Variants in ZBTB17 observed in about 807,000 individuals in gnomAD.
The protein encoded by ZBTB17 is zinc finger and BTB domain-containing protein 17.
In ZBTB17, 24 loss-of-function variants were observed where a neutral mutation model predicts 85.1. The ratio of observed to expected loss-of-function variants is 0.28; its 90% CI spans 0.20 to 0.40. The LOEUF (loss-of-function observed/expected upper bound fraction) is 0.40, where lower values mean the gene tolerates loss of function less well. Ranked by LOEUF, ZBTB17 falls within the 10% of genes least tolerant of loss-of-function variation. The pLI is 1.00. For synonymous variants in ZBTB17, 464 were observed against 460.2 expected (o/e 1.01, Z -0.11); for missense variants, 743 against 1,105.1 (o/e 0.67, Z 4.65).
chr1:15,951,513 C>T lies in ZBTB17; in HGVS notation c.-2-3016G>A, dbSNP rs1358698633. Among the ~76,000 whole-genome samples, 1 of 152,162 alleles carries T rather than the reference C, an allele frequency of 6.6e-6. No individual in the cohort carries two copies. The highest frequency in any genetic ancestry group is 2.1e-4 in the South Asian group (1 of 4,822). ...CACTGTGGACTTTACAACCGAAGCC[C>T]CACCCTCACAGGGCAAGTGGAGCTC... On this transcript the variant is annotated intron_variant, in intron 2 of 15. Transcript: ENST00000375743. The surrounding 1 kb of genome is among the most constrained non-coding windows in gnomAD (Gnocchi z 4.1).
intron 5 of ZBTB17, 21 bp from the exon 6 acceptor site, chr1:15,945,861 A>C: frequency 1.3e-6 from 2 of 1,583,054 alleles, no homozygotes; most frequent in South Asian, 1.1e-5. Flanking sequence ...GAAGCACCGG[A>C]GGCTGGATTG....
intron 2 of ZBTB17, among the ~76,000 whole-genome samples, chr1:15,954,379 A>G (rs2071971220): frequency 6.6e-6 from 1 of 152,216 alleles, no homozygotes; most frequent in African/African-American, 2.4e-5. Context: ...TACCATAGGG[A>G]GACACTGATC....
chr1:15,954,730 G>C (rs2148784519), intron 2 of ZBTB17, among the ~76,000 whole-genome samples: 2 of 152,224 alleles, frequency 1.3e-5, no homozygotes, highest in South Asian at 4.2e-4. Context: ...ACACACCTGT[G>C]GTTCCAGCCA....
intron 2 of ZBTB17, among the ~76,000 whole-genome samples, chr1:15,956,012 C>T (rs1359049652): frequency 6.6e-6 from 1 of 152,172 alleles, no homozygotes; most frequent in Non-Finnish European, 1.5e-5. Context: ...GTCCAGGATT[C>T]CAGCAGCCCA....
chr1:15,946,541 C>T (rs1353514060), intron 4 of ZBTB17, among the ~76,000 whole-genome samples: 1 of 152,198 alleles, frequency 6.6e-6, no homozygotes, highest in Non-Finnish European at 1.5e-5. Context: ...CCCATGTGTG[C>T]ACTAAGGGAG....
In ZBTB17 at chr1:15,973,290, T is replaced by G. The variant is rs959234431; in HGVS notation, c.-89-165A>C. On this transcript the variant is annotated intron_variant, in intron 1 of 15. Coordinates refer to ENST00000375743, the MANE Select transcript of ZBTB17 (RefSeq NM_003443.3). This position sits in a 1 kb window ranked among gnomAD's most constrained non-coding sequence, Gnocchi z 4.1. ...AATAAATGGCCTGCTCTGTGCCAGA[T>G]AGCATGCTGACACTGGGACACAAAG... 8.5e-5 allele frequency among the ~76,000 whole-genome samples: 13 copies of G among 152,290 alleles called. 1 individual carries two copies. The highest frequency in any genetic ancestry group is 3.1e-4 in the African/African-American group (13 of 41,558).
chr1:15,942,961 C>T (rs1473842186), intron 13 of ZBTB17, 103 bp downstream of exon 13: 3 of 1,521,694 alleles, frequency 2.0e-6, no homozygotes, highest in Non-Finnish European at 2.7e-6. Flanking sequence ...GCAGCAAGAG[C>T]TAGCACCCGA....
intron 4 of ZBTB17, among the ~76,000 whole-genome samples, 189 bp from the exon 5 acceptor site, chr1:15,946,483 A>G (rs1240502772): frequency 2.6e-5 from 4 of 152,218 alleles, no homozygotes. Context: ...ATGGCTGGGC[A>G]CTGGGAATAC....
At position 15,951,159 on chromosome 1, in the gene ZBTB17, TAGG is replaced by T. The variant is rs1322740979; in HGVS notation, c.-2-2665_-2-2663del. Among the ~76,000 whole-genome samples, 4 of 151,984 alleles carry T rather than the reference TAGG, an allele frequency of 2.6e-5. No individual in the cohort carries two copies. The highest frequency in any genetic ancestry group is 9.7e-5 in the African/African-American group (4 of 41,368). On this transcript the variant is annotated intron_variant, in intron 2 of 15. Coordinates refer to ENST00000375743, the MANE Select transcript of ZBTB17 (RefSeq NM_003443.3). This position sits in a 1 kb window ranked among gnomAD's most constrained non-coding sequence, Gnocchi z 4.1. ...GTGGGCTCCTCCCACACACGGGTGT[TAGG>T]AGGAGAAACAGAGGCGTCTATAATC...
chr1:15,957,015 C>T (rs956086157), intron 2 of ZBTB17, among the ~76,000 whole-genome samples: 2 of 151,978 alleles, frequency 1.3e-5, no homozygotes, highest in East Asian at 3.9e-4. Context: ...CCCATCTCTA[C>T]TAAAAATATA....
In ZBTB17 at chr1:15,966,154, A is replaced by C. The variant is rs2072432685; in HGVS notation, c.-3+6885T>G. Among the ~76,000 whole-genome samples the C allele has an allele frequency of 6.6e-6, 1 of 152,232 alleles. No individual in the cohort carries two copies. The highest frequency in any genetic ancestry group is 1.5e-5 in the Non-Finnish European group (1 of 68,026). On this transcript the variant is annotated intron_variant, in intron 2 of 15. Transcript: ENST00000375743. This position sits in a 1 kb window ranked among gnomAD's most constrained non-coding sequence, Gnocchi z 4.1. Reference sequence around the variant, plus strand: ...CTGACTGAGTCACAGTAACGGGGGAAAATCCCTGAGGGGCCCACATGGCCC... The same window carrying C: ...CTGACTGAGTCACAGTAACGGGGGACAATCCCTGAGGGGCCCACATGGCCC...
At position 15,944,517 on chromosome 1, in the gene ZBTB17, G is replaced by T. The variant is rs1481394365; in HGVS notation, c.1154C>A (p.Ser385Ter). 1 of 1,589,336 alleles carries T rather than the reference G, an allele frequency of 6.3e-7. No homozygotes were observed. ...SLLNLHKKRH[S>*]GEARYRCEDC... is the part of the protein sequence containing the mutation. ...CTCGCAGCGGTAGCGCGCCTCGCCC[G>T]AGTGCCGCTTCTTGTGCAGGTTCAG... Residue 385 changes from serine (S) to a stop codon, truncating the protein, a stop_gained, in exon 9 of 16, where the codon TCG (serine) becomes TAG (stop). Transcript: ENST00000375743. LOFTEE classifies it high-confidence loss of function.
chr1:15,959,783 TAA>T lies in ZBTB17; in HGVS notation c.-2-11288_-2-11287del, dbSNP rs371806472. Among the ~76,000 whole-genome samples, 132 of 151,708 alleles carry T rather than the reference TAA, an allele frequency of 8.7e-4. No individual in the cohort carries two copies. In the South Asian group the frequency reaches 0.011, roughly 13 times the overall value. ...GCAAAACTCTGTCAAAAAATAAAAA[TAA>T]AAAAGACAGAAAAGAAAGAAAGAAA... On this transcript the variant is annotated intron_variant, in intron 2 of 15. Coordinates refer to ENST00000375743, the MANE Select transcript of ZBTB17 (RefSeq NM_003443.3).
Position 15,949,402 on chromosome 1 carries a change from G to A in ZBTB17, c.-2-905C>T, listed in dbSNP as rs546301075. Among the ~76,000 whole-genome samples the A allele has an allele frequency of 5.4e-4, 83 of 152,328 alleles. 4 individuals carry two copies. The South Asian group carries it at 0.016, about 28-fold the overall frequency. Reference sequence around the variant, plus strand: ...CAGCAATTGTCTAGGGAAAATAAGCGGGCCCTCTTTTCTAGAAAGAACCCA... The same window carrying A: ...CAGCAATTGTCTAGGGAAAATAAGCAGGCCCTCTTTTCTAGAAAGAACCCA... On this transcript the variant is annotated intron_variant, in intron 2 of 15. Coordinates refer to ENST00000375743, the MANE Select transcript of ZBTB17 (RefSeq NM_003443.3).
intron 2 of ZBTB17, among the ~76,000 whole-genome samples, chr1:15,962,193 G>A (rs752138882): frequency 2.6e-5 from 4 of 152,126 alleles, no homozygotes; most frequent in Non-Finnish European, 5.9e-5. Context: ...GGGTGACAGT[G>A]CGAGACCTTA....
rs1038017718 is a variant in ZBTB17 at position 15,945,740 on chromosome 1, G to A, written c.636C>T (p.Ala212=). 1 of 1,607,230 alleles carries A rather than the reference G, an allele frequency of 6.2e-7. No homozygotes were observed. The highest frequency in any genetic ancestry group is 8.5e-7 in the Non-Finnish European group (1 of 1,179,850). ...TSGMAAAEAE[A]ALSESSEQEM... is the part of the protein sequence containing the mutation. ...CTTGCTCCGAGCTCTCGGACAAAGCGGCCTCAGCTTCTGCAGCAGCCATGC... is the reference window on the plus strand; with the variant it reads ...CTTGCTCCGAGCTCTCGGACAAAGCAGCCTCAGCTTCTGCAGCAGCCATGC... Residue 212 remains alanine, a synonymous_variant, in exon 6 of 16, where the codon GCC becomes GCT. Transcript: ENST00000375743.
Position 15,953,130 on chromosome 1 carries a change from A to T in ZBTB17, c.-2-4633T>A. Among the ~76,000 whole-genome samples the T allele has an allele frequency of 6.6e-6, 1 of 152,182 alleles. No homozygotes were observed. The highest frequency in any genetic ancestry group is 2.1e-4 in the South Asian group (1 of 4,818). ...GATTTATTACTTAAACTAAATGTGT[A>T]TATTTCATATACATTTACATGAAAA... On this transcript the variant is annotated intron_variant, in intron 2 of 15. Coordinates refer to ENST00000375743, the MANE Select transcript of ZBTB17 (RefSeq NM_003443.3). This position sits in a 1 kb window ranked among gnomAD's most constrained non-coding sequence, Gnocchi z 5.1.
chr1:15,957,321 T>C (rs1317579407), intron 2 of ZBTB17, among the ~76,000 whole-genome samples: 4 of 150,280 alleles, frequency 2.7e-5, no homozygotes, highest in Non-Finnish European at 3.0e-5. Flanking sequence ...GAAGAGCAGA[T>C]GCAAAAACCC....
In ZBTB17 at chr1:15,944,741, G is replaced by A. The variant is rs1390984805; in HGVS notation, c.1026C>T (p.Ala342=). 1.9e-6 allele frequency: 3 copies of A among 1,612,428 alleles called. No individual in the cohort carries two copies. Among genetic ancestry groups the A allele is most frequent in the African/African-American group, 1.3e-5 (1 of 75,062 alleles). The change falls in exon 8 of 16, where the codon GCC becomes GCT. Residue 342 remains alanine (A), a synonymous_variant. Transcript: ENST00000375743. The stretch of plus-strand genomic sequence containing the variant: ...CCTTGCACGCGGCCGGGTCGGAAAA[G>A]GCCTTGCTGCACTCCCGGCACGAGA... ...KPFSCRECSK[A]FSDPAACKAH... is the part of the protein sequence containing the mutation.
Sources: allele counts gnomAD v4.1 joint callset (sites outside exome capture counted in the v4.1 genomes callset), GRCh38; gene constraint gnomAD v4.1.1; non-coding constraint Gnocchi (gnomAD v3.1); transcripts MANE v1.5; gene names NCBI Gene and HGNC (gene_info 2026-07-23, HGNC 2026-07-21).